Variants in PRDM6 observed in about 807,000 individuals in gnomAD.
The protein encoded by PRDM6 is putative histone-lysine N-methyltransferase PRDM6.
PRDM6 carries 25 observed loss-of-function variants against 60.8 expected under a neutral mutation model. The observed-to-expected ratio is 0.41, with a 90% CI of 0.30 to 0.57. PRDM6 has a LOEUF of 0.57. PRDM6 is among the 20% of genes least tolerant of loss of function. The pLI is 0.27. For synonymous variants in PRDM6, 407 were observed against 357.4 expected, an observed-to-expected ratio of 1.14 and a Z score of -1.57; for missense variants, 839 against 821.3, an observed-to-expected ratio of 1.02 and a Z score of -0.26.
intron 6 of PRDM6, among the ~76,000 whole-genome samples, chr5:123,175,690 G>GTTGA (rs1451869211): frequency 1.3e-5 from 2 of 152,190 alleles, no homozygotes; most frequent in African/African-American, 4.8e-5. Flanking sequence ...GCTGGCTGAT[G>GTTGA]TTGAACAAGG....
intron 2 of PRDM6, among the ~76,000 whole-genome samples, chr5:123,094,747 C>G (rs895059675): frequency 6.6e-6 from 1 of 152,154 alleles, no homozygotes; most frequent in Admixed American, 6.5e-5. Context: ...CTCGCGGCTC[C>G]TATTCATCAT....
At chr5:123,147,363 T>C (rs1765268654) in intron 3 of PRDM6, among the ~76,000 whole-genome samples, 1 of 152,062 alleles carries the variant, frequency 6.6e-6, no homozygotes, top group Non-Finnish European at 1.5e-5. Context: ...CTTAGCAATG[T>C]AGGGTTACCA....
At chr5:123,166,072 C>T (rs1454676309) in intron 5 of PRDM6, among the ~76,000 whole-genome samples, 2 of 152,192 alleles carry the variant, frequency 1.3e-5, no homozygotes, top group African/African-American at 2.4e-5. Flanking sequence ...TTGTGTTAAC[C>T]TGCCTCCCGT....
chr5:123,130,564 GT>G (rs369046537), intron 3 of PRDM6, among the ~76,000 whole-genome samples: 1,860 of 144,944 alleles, frequency 0.013, 19 homozygotes, highest in Middle Eastern at 0.058. Flanking sequence ...CATTTATTTA[GT>G]TTTTTTTTTT....
At chr5:123,094,873 C>G (rs2150205636) in intron 2 of PRDM6, among the ~76,000 whole-genome samples, 1 of 152,300 alleles carries the variant, frequency 6.6e-6, no homozygotes, top group Middle Eastern at 3.4e-3. Flanking sequence ...ATACAGTCAT[C>G]GGAAGACAAA....
chr5:123,169,420 G>T (rs1303105335), intron 5 of PRDM6, among the ~76,000 whole-genome samples: 3 of 151,940 alleles, frequency 2.0e-5, no homozygotes, highest in African/African-American at 7.3e-5. Flanking sequence ...CCCAGTTTAG[G>T]GCCATCTCCC....
intron 2 of PRDM6, among the ~76,000 whole-genome samples, chr5:123,091,244 A>G (rs992167274): frequency 4.6e-5 from 7 of 152,098 alleles, no homozygotes; most frequent in African/African-American, 1.7e-4. Flanking sequence ...AAAAAGAAGG[A>G]AAAGAAAAAA....
At position 123,187,150 on chromosome 5, in the gene PRDM6, C is replaced by G. The variant is rs375354972; in HGVS notation, c.1737C>G (p.Pro579=). 1 of 1,551,510 alleles carries G rather than the reference C, an allele frequency of 6.4e-7. No homozygotes were observed. ...ATQLSRHQRM[P]NECKPITESP... is the part of the protein sequence containing the mutation. ...AGCTGAGCCGACACCAGCGGATGCC[C>G]AATGAGTGCAAGCCAATAACTGAGA... The change falls in exon 8 of 8, where the codon CCC becomes CCG. Residue 579 remains proline (P), a synonymous_variant. Transcript: ENST00000407847.
In PRDM6 at chr5:123,113,541, G is replaced by A. The variant is rs77154499; in HGVS notation, c.900+13580G>A. Among the ~76,000 whole-genome samples, 1,146 of 152,274 alleles carry A rather than the reference G, an allele frequency of 7.5e-3. 15 individuals are homozygous for A. The highest frequency in any genetic ancestry group is 0.026 in the African/African-American group (1,098 of 41,554). ...GCACTGAGAGCCTTTTTTAGATGAA[G>A]GCAGGTAAGTAACTTGCCCAAGGCC... On this transcript the variant is annotated intron_variant, in intron 3 of 7. Transcript: ENST00000407847.
In PRDM6 at chr5:123,180,425, G is replaced by C. The variant is rs962123077; in HGVS notation, c.1673+102G>C. ...TGCCTGGCTTAGCCAGCTGGCACAG[G>C]CTACTTGGAAGGCCAGTGTCCAGGC... On this transcript the variant is annotated intron_variant, in intron 7 of 7. Coordinates refer to ENST00000407847, the MANE Select transcript of PRDM6 (RefSeq NM_001136239.4). 9 of 1,243,408 alleles carry C rather than the reference G, an allele frequency of 7.2e-6. No individual in the cohort carries two copies. The African/African-American group carries it at 1.2e-4, about 17-fold the overall frequency. The allele number at this position is 1,243,408 out of a possible 1,614,324, so 77.0% of individuals were successfully genotyped here.
intron 3 of PRDM6, among the ~76,000 whole-genome samples, chr5:123,144,603 G>C (rs114978151): frequency 8.7e-4 from 133 of 152,208 alleles, no homozygotes; most frequent in Non-Finnish European, 1.7e-3. Context: ...TTAGGGATTG[G>C]AATGGGAGGA....
At chr5:123,150,897 C>T (rs1441486112) in intron 3 of PRDM6, among the ~76,000 whole-genome samples, 1 of 152,062 alleles carries the variant, frequency 6.6e-6, no homozygotes, top group Non-Finnish European at 1.5e-5. Context: ...CTTTGTATTT[C>T]ATAGAGTTGA....
At chr5:123,102,085 A>T (rs562103112) in intron 3 of PRDM6, among the ~76,000 whole-genome samples, 1 of 151,866 alleles carries the variant, frequency 6.6e-6, no homozygotes, top group Non-Finnish European at 1.5e-5. Flanking sequence ...GACATAATCT[A>T]TTTTTTTTAA....
intron 3 of PRDM6, among the ~76,000 whole-genome samples, chr5:123,131,057 G>A (rs946970096): frequency 6.6e-6 from 1 of 152,270 alleles, no homozygotes; most frequent in Non-Finnish European, 1.5e-5. Context: ...ACACAGTATT[G>A]TCTGCTACTT....
intron 2 of PRDM6, among the ~76,000 whole-genome samples, chr5:123,091,614 T>C (rs1250065652): frequency 1.3e-5 from 2 of 152,238 alleles, no homozygotes; most frequent in Non-Finnish European, 2.9e-5. Flanking sequence ...TCAGAAGTTA[T>C]ACTGTGTTTA....
At position 123,180,345 on chromosome 5, in the gene PRDM6, A is replaced by G. The variant is rs760595363; in HGVS notation, c.1673+22A>G. ...TCAAGTAAGTAGTGGCTAGCCCTCC[A>G]CCCTCTCTTTCTCTTAGCCTTTCCC... On this transcript the variant is annotated intron_variant, in intron 7 of 7. Coordinates refer to ENST00000407847, the MANE Select transcript of PRDM6 (RefSeq NM_001136239.4). The G allele has an allele frequency of 2.2e-5, 34 of 1,533,952 alleles. No individual in the cohort carries two copies. In the Admixed American group the frequency reaches 3.2e-4, roughly 14 times the overall value.
chr5:123,112,027 A>G (rs1347976906), intron 3 of PRDM6, among the ~76,000 whole-genome samples: 1 of 152,034 alleles, frequency 6.6e-6, no homozygotes, highest in Admixed American at 6.6e-5. Flanking sequence ...AGCAAAATGA[A>G]CTCCCATGAC....
intron 4 of PRDM6, among the ~76,000 whole-genome samples, chr5:123,156,894 C>T (rs1424380429): frequency 6.6e-6 from 1 of 152,082 alleles, no homozygotes; most frequent in Non-Finnish European, 1.5e-5. Context: ...CTCAAAATCC[C>T]TCGAAAACGT....
intron 3 of PRDM6, among the ~76,000 whole-genome samples, chr5:123,118,360 C>T (rs750141953): frequency 2.6e-5 from 4 of 152,130 alleles, no homozygotes; most frequent in Non-Finnish European, 5.9e-5. Context: ...AAATTGGAGT[C>T]GCATCAGTGA....
Sources: allele counts gnomAD v4.1 joint callset (sites outside exome capture counted in the v4.1 genomes callset), GRCh38; gene constraint gnomAD v4.1.1; transcripts MANE v1.5; gene names NCBI Gene and HGNC (gene_info 2026-07-23, HGNC 2026-07-21).